Variants in UGDH observed in about 807,000 individuals in gnomAD.
UGDH encodes UDP-glucose 6-dehydrogenase.
UGDH carries 38 observed loss-of-function variants against 50.6 expected under a neutral mutation model. The observed-to-expected ratio is 0.75, with a 90% CI of 0.58 to 0.98. The LOEUF (loss-of-function observed/expected upper bound fraction) is 0.98. UGDH is among the 50% of genes least tolerant of loss of function. The pLI is 0.00. For missense variants in UGDH, 465 were observed against 606.2 expected, an observed-to-expected ratio of 0.77 and a Z score of 2.45; for synonymous variants, 168 against 199.9, an observed-to-expected ratio of 0.84 and a Z score of 1.35.
chr4:39,515,255 A>C (rs1746398362), intron 2 of UGDH, among the ~76,000 whole-genome samples: 1 of 152,344 alleles, frequency 6.6e-6, no homozygotes, highest in African/African-American at 2.4e-5. Flanking sequence ...AACTCATAAG[A>C]GTTAACCATT....
intron 5 of UGDH, among the ~76,000 whole-genome samples, 171 bp from the exon 6 acceptor site, chr4:39,510,078 TAGAG>T (rs1301963196): frequency 6.6e-6 from 1 of 152,194 alleles, no homozygotes; most frequent in Non-Finnish European, 1.5e-5. Flanking sequence ...TGTTTTAAAT[TAGAG>T]AGGACAGATG....
intron 3 of UGDH, among the ~76,000 whole-genome samples, chr4:39,513,077 G>T (rs1746303159): frequency 6.6e-6 from 1 of 151,954 alleles, no homozygotes; most frequent in South Asian, 2.1e-4. Flanking sequence ...CAAAGTGCTG[G>T]GATTACAAGC....
In UGDH at chr4:39,508,706, AAACTC is replaced by A. The variant is rs754795613; in HGVS notation, c.812-51_812-47del. The A allele has an allele frequency of 2.6e-6, 4 of 1,525,952 alleles. No individual in the cohort carries two copies. In the Admixed American group the frequency reaches 8.5e-5, roughly 33 times the overall value. 94.5% of individuals were successfully genotyped at this position (1,525,952 alleles called of 1,614,324 possible). On this transcript the variant is annotated intron_variant, in intron 6 of 11. Coordinates refer to ENST00000316423, the MANE Select transcript of UGDH (RefSeq NM_003359.4). ...ACAATATTTTCATGTAAGAACGAGA[AAACTC>A]AATCATGTGACAAATTTCTTTATAC...
Position 39,525,841 on chromosome 4 carries a change from T to C in UGDH, c.-8+1442A>G, listed in dbSNP as rs558570837. 1.5e-4 allele frequency among the ~76,000 whole-genome samples: 23 copies of C among 152,362 alleles called. No individual in the cohort carries two copies. The South Asian group carries it at 4.6e-3, about 30-fold the overall frequency. On this transcript the variant is annotated intron_variant, in intron 1 of 11. Transcript: ENST00000316423. Reference sequence around the variant, plus strand: ...TCTATTTCTACTTTTATGTACCCTCTGGCCCTCTATTCTGCTGTCAGAGAC... The same window carrying C: ...TCTATTTCTACTTTTATGTACCCTCCGGCCCTCTATTCTGCTGTCAGAGAC...
chr4:39,521,903 T>C (rs1746677768), intron 1 of UGDH, among the ~76,000 whole-genome samples: 1 of 152,238 alleles, frequency 6.6e-6, no homozygotes, highest in Admixed American at 6.5e-5. Flanking sequence ...ACTTGTACGA[T>C]TCTTGCTTAA....
chr4:39,500,310 TA>T, intron 11 of UGDH, 57 bp from the exon 12 acceptor site: 1 of 1,132,192 alleles, frequency 8.8e-7, no homozygotes, highest in African/African-American at 1.6e-5. Context: ...TGTAAGAATT[TA>T]TAATGTACTG....
intron 11 of UGDH, 73 bp downstream of exon 11, chr4:39,503,802 A>G: frequency 7.5e-7 from 1 of 1,326,594 alleles, no homozygotes; most frequent in Non-Finnish European, 1.1e-6. Context: ...TGACTAGATT[A>G]TAGTCCCCAG....
At chr4:39,504,843 C>T (rs571492444) in intron 9 of UGDH, among the ~76,000 whole-genome samples, 18 of 152,192 alleles carry the variant, frequency 1.2e-4, no homozygotes, top group African/African-American at 3.6e-4. Flanking sequence ...TGCAAGTGAC[C>T]GCAGATAACT....
chr4:39,506,344 C>T (rs1746024679), intron 7 of UGDH, among the ~76,000 whole-genome samples: 1 of 151,140 alleles, frequency 6.6e-6, no homozygotes, highest in African/African-American at 2.4e-5. Context: ...AGTTTTAATT[C>T]TAAGCGCATT....
Position 39,504,473 on chromosome 4 carries a change from C to T in UGDH, c.1207G>A (p.Glu403Lys). Reference protein sequence around the residue: ...RLVTISKDPYEACDGAHAVVI... With the variant: ...RLVTISKDPYKACDGAHAVVI... ...ACAGCATGGGCACCATCACATGCTTCATATGGATCCTTGGAAATGGTCACG... is the reference window on the plus strand; with the variant it reads ...ACAGCATGGGCACCATCACATGCTTTATATGGATCCTTGGAAATGGTCACG... The change falls in exon 10 of 12, where the codon GAA becomes AAA. Residue 403 changes from glutamate (E) to lysine (K), a missense_variant. By Grantham distance (56) the Glu-to-Lys change is moderately conservative. Coordinates refer to ENST00000316423, the MANE Select transcript of UGDH (RefSeq NM_003359.4). The T allele has an allele frequency of 6.2e-7, 1 of 1,614,062 alleles. No homozygotes were observed. Among genetic ancestry groups the T allele is most frequent in the Non-Finnish European group, 8.5e-7 (1 of 1,180,008 alleles).
chr4:39,514,252 A>C, intron 2 of UGDH, 68 bp from the exon 3 acceptor site: 1 of 1,201,150 alleles, frequency 8.3e-7, no homozygotes, highest in Non-Finnish European at 1.2e-6. Flanking sequence ...CTAATAGTAT[A>C]GAATTACATT....
At chr4:39,510,027 G>T in intron 5 of UGDH, 120 bp from the exon 6 acceptor site, 1 of 1,183,340 alleles carries the variant, frequency 8.5e-7, no homozygotes, top group Non-Finnish European at 1.1e-6. Context: ...ATACTGATGA[G>T]CTCAATTTGA....
rs974561785 is a variant in UGDH at position 39,504,400 on chromosome 4, C to G, written c.1263+17G>C. 6.2e-7 allele frequency: 1 copy of G among 1,611,694 alleles called. No individual in the cohort carries two copies. The highest frequency in any genetic ancestry group is 1.1e-5 in the South Asian group (1 of 90,954). On this transcript the variant is annotated intron_variant, in intron 10 of 11. Coordinates refer to ENST00000316423, the MANE Select transcript of UGDH (RefSeq NM_003359.4). ...ACACCTCTAGAATTTTCCTTAGTAT[C>G]TTTTCTGTTACCTTACCTTAAACAT... is the stretch of plus-strand genomic sequence containing the variant.
intron 7 of UGDH, 78 bp downstream of exon 7, chr4:39,508,488 C>T: frequency 1.4e-6 from 2 of 1,411,856 alleles, no homozygotes; most frequent in Non-Finnish European, 9.8e-7. Flanking sequence ...CTTGCCTTGG[C>T]TTCCTAAAGT....
chr4:39,500,061 T>C lies in UGDH; in HGVS notation c.*82A>G. On this transcript the variant is annotated 3_prime_UTR_variant, in exon 12 of 12. Coordinates refer to ENST00000316423, the MANE Select transcript of UGDH (RefSeq NM_003359.4). ...AACAAAAAAAAACACTTGGTTCATT[T>C]ACCATTTAATAGCAGATAGATATTT... 1 of 808,818 alleles carries C rather than the reference T, an allele frequency of 1.2e-6. No homozygotes were observed. The highest frequency in any genetic ancestry group is 1.9e-6 in the Non-Finnish European group (1 of 514,192). The allele number at this position is 808,818 out of a possible 1,614,324, so 50.1% of individuals were successfully genotyped here.
intron 1 of UGDH, among the ~76,000 whole-genome samples, chr4:39,523,549 A>G (rs1746754929): frequency 6.6e-6 from 1 of 152,182 alleles, no homozygotes; most frequent in Non-Finnish European, 1.5e-5. Context: ...TCATGCCTGT[A>G]ATCCCAGCAC....
intron 2 of UGDH, among the ~76,000 whole-genome samples, chr4:39,520,061 G>T (rs139934648): frequency 8.5e-5 from 13 of 152,136 alleles, no homozygotes; most frequent in African/African-American, 2.9e-4. Context: ...AGCTTCAGCC[G>T]GGCATGGTGG....
intron 1 of UGDH, among the ~76,000 whole-genome samples, chr4:39,524,541 T>C (rs1226018017): frequency 6.6e-6 from 1 of 152,044 alleles, no homozygotes; most frequent in African/African-American, 2.4e-5. Context: ...CTCACTCTGT[T>C]GCCCAGGCTG....
chr4:39,508,475 G>A (rs1746111270), intron 7 of UGDH, 91 bp downstream of exon 7: 9 of 1,261,428 alleles, frequency 7.1e-6, no homozygotes, highest in African/African-American at 1.6e-5. Flanking sequence ...CTCAAGTGAT[G>A]CTCTTGCCTT....
Sources: gnomAD v4.1 joint callset for allele counts (sites outside exome capture counted in the v4.1 genomes callset) on GRCh38, gnomAD v4.1.1 for gene constraint, MANE v1.5 for transcripts, NCBI Gene and HGNC (gene_info 2026-07-23, HGNC 2026-07-21) for gene names.